The following LRP2 variants were observed in gnomAD, a reference collection of about 807,000 sequenced individuals.
LRP2 encodes LDL receptor related protein 2.
LRP2 carries 172 observed loss-of-function variants against 531.0 expected under a neutral mutation model. The observed-to-expected ratio is 0.32, with a 90% CI of 0.29 to 0.37. The LOEUF (loss-of-function observed/expected upper bound fraction) is 0.37. Among genes scored for constraint, LRP2 ranks in the 10% least tolerant of loss-of-function variants. LRP2 has a pLI of 1.00. For missense variants in LRP2, 5,167 were observed against 5,868.3 expected (o/e 0.88, Z 3.90); for synonymous variants, 1,992 against 2,027.6 (o/e 0.98, Z 0.47).
At chr2:169,283,574 C>G (rs1411999826) in intron 9 of LRP2, among the ~76,000 whole-genome samples, 2 of 152,160 alleles carry the variant, frequency 1.3e-5, no homozygotes, top group African/African-American at 2.4e-5. Flanking sequence ...TGCCTATAGA[C>G]AGCCCCTCAG....
At position 169,138,730 on chromosome 2, in the gene LRP2, T is replaced by C. The variant is rs537357135; in HGVS notation, c.13389-24A>G. The C allele has an allele frequency of 1.3e-4, 206 of 1,613,490 alleles. 1 individual carries two copies. In the South Asian group the frequency reaches 2.0e-3, roughly 16 times the overall value. ...AGCTGGAAAGAAGTAACCAAAACAG[T>C]GTCTTGTTATTTAAAACAACAACAA... On this transcript the variant is annotated intron_variant, in intron 74 of 78. Coordinates refer to ENST00000649046, the MANE Select transcript of LRP2 (RefSeq NM_004525.3).
intron 1 of LRP2, among the ~76,000 whole-genome samples, chr2:169,360,399 G>A (rs745858560): frequency 1.4e-4 from 21 of 151,830 alleles, no homozygotes; most frequent in African/African-American, 5.1e-4. Context: ...ATATGTGTAT[G>A]CTAGGTTACT....
At chr2:169,230,229 C>T (rs1689350901) in intron 31 of LRP2, among the ~76,000 whole-genome samples, 1 of 152,238 alleles carries the variant, frequency 6.6e-6, no homozygotes, top group African/African-American at 2.4e-5. Flanking sequence ...GAAATGTCTA[C>T]AGCCCAGTTT....
At position 169,156,400 on chromosome 2, in the gene LRP2, T is replaced by C; in HGVS notation, c.12025A>G (p.Asn4009Asp). ...VFDRTSCLDI[N>D]ECEQFGTCPQ... Reference sequence around the variant, plus strand: ...CAAGTCCCAAATTGTTCACATTCATTGATATCTGTAGGCAAAATAAAACCA... The same window carrying C: ...CAAGTCCCAAATTGTTCACATTCATCGATATCTGTAGGCAAAATAAAACCA... The change falls in exon 65 of 79, where the codon AAT (asparagine) becomes GAT (aspartate). Residue 4009 changes from asparagine to aspartate, a missense_variant. Asn to Asp is a conservative substitution (Grantham distance 23, BLOSUM62 1). Around this residue, in one of 6 missense-constraint regions of LRP2, gnomAD observed 564 missense variants for 747.7 expected, o/e 0.75. Coordinates refer to ENST00000649046, the MANE Select transcript of LRP2 (RefSeq NM_004525.3). 6.2e-7 allele frequency: 1 copy of C among 1,613,452 alleles called. No homozygotes were observed. Among genetic ancestry groups the C allele is most frequent in the South Asian group, 1.1e-5 (1 of 91,074 alleles).
chr2:169,240,637 A>T, intron 25 of LRP2: 2 of 454,974 alleles, frequency 4.4e-6, no homozygotes, highest in African/African-American at 1.9e-5. Context: ...TTTTTGTGAT[A>T]AGTTCTGATT....
intron 62 of LRP2, among the ~76,000 whole-genome samples, chr2:169,162,946 G>T (rs1310901419): frequency 6.6e-6 from 1 of 152,232 alleles, no homozygotes; most frequent in African/African-American, 2.4e-5. Context: ...TGCTCAATAA[G>T]GCTTCATTAT....
rs1443076828 is a variant in LRP2 at position 169,226,551 on chromosome 2, T to C, written c.5265A>G (p.Ile1755Met). The part of the protein sequence containing the change: ...QPFLITVRQH[I>M]IFGISLNPEV... ...CAGGATTAAGGGAGATTCCAAAAAT[T>C]ATATGTTGCCTTACAGTTATTAAGA... Residue 1755 changes from isoleucine to methionine, a missense_variant, in exon 32 of 79, where the codon ATA becomes ATG. Transcript: ENST00000649046. 2 of 1,612,952 alleles carry C rather than the reference T, an allele frequency of 1.2e-6. No individual in the cohort carries two copies. The highest frequency in any genetic ancestry group is 1.7e-6 in the Non-Finnish European group (2 of 1,179,206).
chr2:169,173,323 A>G, intron 56 of LRP2, 99 bp from the exon 57 acceptor site: 1 of 1,471,490 alleles, frequency 6.8e-7, no homozygotes, highest in African/African-American at 1.4e-5. Context: ...AACAATGACC[A>G]TGTTACCAAG....
At chr2:169,192,888 C>T (rs921742655) in intron 47 of LRP2, among the ~76,000 whole-genome samples, 1 of 152,140 alleles carries the variant, frequency 6.6e-6, no homozygotes. Flanking sequence ...AGTCACAACA[C>T]AGGAGGGTGC....
rs61573424 is a variant in LRP2 at position 169,336,536 on chromosome 2, T to TCACACACACA, written c.80-15662_80-15653dup. ...GCCTGGGTGACAGAGCAAGACTCCA[T>TCACACACACA]CACACACACACACACACACACACAC... On this transcript the variant is annotated intron_variant, in intron 1 of 78. Coordinates refer to ENST00000649046, the MANE Select transcript of LRP2 (RefSeq NM_004525.3). Among the ~76,000 whole-genome samples the TCACACACACA allele has an allele frequency of 2.1e-4, 30 of 146,080 alleles. 1 individual carries two copies. Among genetic ancestry groups the TCACACACACA allele is most frequent in the African/African-American group, 7.1e-4 (28 of 39,714 alleles).
Position 169,239,788 on chromosome 2 carries a change from AAG to A in LRP2, c.4046-15_4046-14del. The A allele has an allele frequency of 6.2e-7, 1 of 1,610,404 alleles. No homozygotes were observed. The highest frequency in any genetic ancestry group is 8.5e-7 in the Non-Finnish European group (1 of 1,176,674). ...CAGCTGTTCCCATCTAGAAAAAAGAAAGAGAATAATGAAAAAAGAAAATCAAG... is the reference window on the plus strand; with the variant it reads ...CAGCTGTTCCCATCTAGAAAAAAGAAAGAATAATGAAAAAAGAAAATCAAG... On this transcript the variant is annotated splice_polypyrimidine_tract_variant and intron_variant, in intron 25 of 78. Coordinates refer to ENST00000649046, the MANE Select transcript of LRP2 (RefSeq NM_004525.3).
chr2:169,157,551 A>G (rs1175194916), intron 63 of LRP2, 49 bp from the exon 64 acceptor site: 1 of 1,605,816 alleles, frequency 6.2e-7, no homozygotes, highest in Non-Finnish European at 8.5e-7. Context: ...CACAAATAAC[A>G]GTCAAGTGGT....
rs116726785 is a variant in LRP2, at chr2:169,198,956, A to G, written c.8453-45T>C. On this transcript the variant is annotated intron_variant, in intron 44 of 78. Transcript: ENST00000649046. ...TAAATATTAGGAATATATCCACCAAATATGTATTATGAACAGTATCCGTGC... is the reference window on the plus strand; with the variant it reads ...TAAATATTAGGAATATATCCACCAAGTATGTATTATGAACAGTATCCGTGC... The G allele has an allele frequency of 4.0e-4, 645 of 1,594,368 alleles. 2 individuals carry two copies. In the African/African-American group the frequency reaches 6.9e-3, roughly 17 times the overall value.
chr2:169,211,948 T>G lies in LRP2; in HGVS notation c.6280+20A>C. On this transcript the variant is annotated intron_variant, in intron 37 of 78. Transcript: ENST00000649046. ...GGTGCCAGATGAAGTCAAATCTTAC[T>G]TATATTGGAGTTGGCATACCTTGGC... 1 of 1,613,762 alleles carries G rather than the reference T, an allele frequency of 6.2e-7. No homozygotes were observed. Among genetic ancestry groups the G allele is most frequent in the Non-Finnish European group, 8.5e-7 (1 of 1,179,764 alleles).
At chr2:169,350,016 C>A (rs188619774) in intron 1 of LRP2, among the ~76,000 whole-genome samples, 1 of 152,054 alleles carries the variant, frequency 6.6e-6, no homozygotes, top group Non-Finnish European at 1.5e-5. Flanking sequence ...TTGCAATCGT[C>A]GAGGCAAGAG....
At chr2:169,190,943 T>C (rs1452870972) in intron 48 of LRP2, among the ~76,000 whole-genome samples, 1 of 152,210 alleles carries the variant, frequency 6.6e-6, no homozygotes, top group Non-Finnish European at 1.5e-5. Flanking sequence ...ATGTTAAGAA[T>C]GTATATAAAC....
At chr2:169,173,872 G>C (rs752816274) in intron 56 of LRP2, 47 bp downstream of exon 56, 1 of 1,612,104 alleles carries the variant, frequency 6.2e-7, no homozygotes, top group Non-Finnish European at 8.5e-7. Context: ...AAGTTTCCTC[G>C]TGTCTCCCTG....
chr2:169,191,688 G>T (rs2105310731), intron 48 of LRP2, 144 bp downstream of exon 48: 1 of 635,128 alleles, frequency 1.6e-6, no homozygotes, highest in South Asian at 2.1e-5. Context: ...CCTTTGATTT[G>T]GAAAGGAATC....
chr2:169,140,821 G>T (rs1685694759), intron 71 of LRP2, among the ~76,000 whole-genome samples: 1 of 152,202 alleles, frequency 6.6e-6, no homozygotes, highest in South Asian at 2.1e-4. Flanking sequence ...ATAGTTACAA[G>T]AACCTAGTGG....
Sources: allele counts gnomAD v4.1 joint callset (sites outside exome capture counted in the v4.1 genomes callset), GRCh38; gene constraint gnomAD v4.1.1; regional missense constraint gnomAD v4.1.1; transcripts MANE v1.5; gene names NCBI Gene and HGNC (gene_info 2026-07-23, HGNC 2026-07-21).